SPAG16: variants seen among roughly 807,000 people sequenced by gnomAD.
SPAG16 encodes the protein sperm-associated antigen 16 protein.
Under a neutral mutation model 80.4 loss-of-function variants are expected in SPAG16, and 86 were observed. The observed-to-expected ratio is 1.07, with a 90% confidence interval of 0.90 to 1.28. The LOEUF (loss-of-function observed/expected upper bound fraction) is 1.28, where lower values mean the gene tolerates loss of function less well. SPAG16 is among the 50% of genes most tolerant of loss of function. SPAG16 has a pLI of 0.00. For synonymous variants in SPAG16, 294 were observed against 265.9 expected, an observed-to-expected ratio of 1.11 and a Z score of -1.03; for missense variants, 870 against 765.3, an observed-to-expected ratio of 1.14 and a Z score of -1.61.
At chr2:213,616,091 C>T (rs753237070) in intron 10 of SPAG16, among the ~76,000 whole-genome samples, 4 of 152,072 alleles carry the variant, frequency 2.6e-5, no homozygotes, top group South Asian at 4.2e-4. Flanking sequence ...TCCATTTTAC[C>T]GATTAGGAAA....
chr2:214,279,052 C>G (rs924470167), intron 15 of SPAG16, among the ~76,000 whole-genome samples: 6 of 151,816 alleles, frequency 4.0e-5, no homozygotes, highest in Non-Finnish European at 8.8e-5. Context: ...TACCCTTGTG[C>G]CTGAAACAAT....
intron 10 of SPAG16, among the ~76,000 whole-genome samples, chr2:213,833,536 TATA>T (rs1262447809): frequency 0.01 from 9 of 896 alleles, 1 homozygote; most frequent in African/African-American, 0.05. Flanking sequence ...ATATATTATA[TATA>T]ATATATATAA....
chr2:214,190,382 T>G (rs1434414416), intron 15 of SPAG16, among the ~76,000 whole-genome samples: 1 of 152,158 alleles, frequency 6.6e-6, no homozygotes, highest in South Asian at 2.1e-4. Context: ...TTCAATTTTC[T>G]TCTTCATATA....
chr2:214,063,263 C>G (rs2050371819), intron 13 of SPAG16, among the ~76,000 whole-genome samples: 2 of 152,092 alleles, frequency 1.3e-5, no homozygotes, highest in Non-Finnish European at 2.9e-5. Context: ...GAACATGCCA[C>G]CCATACTTTT....
chr2:213,834,055 C>T (rs989646388), intron 10 of SPAG16, among the ~76,000 whole-genome samples: 1 of 152,066 alleles, frequency 6.6e-6, no homozygotes, highest in African/African-American at 2.4e-5. Flanking sequence ...GTGAATAAGT[C>T]TCATGAGCTC....
At chr2:213,903,896 T>C (rs1056301925) in intron 11 of SPAG16, among the ~76,000 whole-genome samples, 2 of 152,140 alleles carry the variant, frequency 1.3e-5, no homozygotes, top group Non-Finnish European at 2.9e-5. Context: ...GTTCCACACA[T>C]CTCTAGGGCA....
intron 15 of SPAG16, among the ~76,000 whole-genome samples, chr2:214,279,618 A>G (rs1258818719): frequency 6.6e-6 from 1 of 152,160 alleles, no homozygotes; most frequent in East Asian, 1.9e-4. Context: ...AAGGAACCCC[A>G]AATATTTGCA....
chr2:214,202,708 T>G (rs1301793403), intron 15 of SPAG16, among the ~76,000 whole-genome samples: 2 of 152,140 alleles, frequency 1.3e-5, no homozygotes, highest in African/African-American at 4.8e-5. Context: ...AAAGTTGGGT[T>G]TGAGCTAATC....
chr2:213,515,122 TAAAC>T (rs558404111), intron 10 of SPAG16, among the ~76,000 whole-genome samples: 121 of 152,292 alleles, frequency 7.9e-4, no homozygotes, highest in African/African-American at 2.7e-3. Context: ...AATTCTGAAA[TAAAC>T]TAAATAAATA....
intron 10 of SPAG16, among the ~76,000 whole-genome samples, chr2:213,705,205 G>C (rs1034705632): frequency 1.3e-5 from 2 of 151,888 alleles, no homozygotes; most frequent in African/African-American, 4.8e-5. Flanking sequence ...CCGTGATCGT[G>C]CCACTGCGCT....
chr2:214,383,214 T>C (rs186129595), intron 15 of SPAG16, among the ~76,000 whole-genome samples: 1 of 152,266 alleles, frequency 6.6e-6, no homozygotes, highest in Admixed American at 6.5e-5. Flanking sequence ...GTTCTGATAC[T>C]ATGAAGGCAT....
chr2:213,324,248 G>A (rs1000630149), intron 5 of SPAG16, among the ~76,000 whole-genome samples: 3 of 94,132 alleles, frequency 3.2e-5, no homozygotes, highest in African/African-American at 6.6e-5. Flanking sequence ...ATTCCCTACT[G>A]TACCTCAAGT....
At chr2:213,455,380 T>C (rs950484234) in intron 9 of SPAG16, among the ~76,000 whole-genome samples, 16 of 152,296 alleles carry the variant, frequency 1.1e-4, no homozygotes, top group East Asian at 3.9e-4. Flanking sequence ...CTTGTACTGG[T>C]AGCTTATCTA....
intron 9 of SPAG16, among the ~76,000 whole-genome samples, chr2:213,475,722 C>T (rs1262518705): frequency 6.6e-6 from 1 of 152,098 alleles, no homozygotes; most frequent in Non-Finnish European, 1.5e-5. Flanking sequence ...ATCTAGTTTT[C>T]TTTTTAGGGC....
rs544216947 is a variant in SPAG16 at position 213,502,690 on chromosome 2, A to C, written c.1070+12600A>C. Among the ~76,000 whole-genome samples, 8 of 152,332 alleles carry C rather than the reference A, an allele frequency of 5.3e-5. No individual in the cohort carries two copies. In the South Asian group the frequency reaches 1.7e-3, roughly 32 times the overall value. On this transcript the variant is annotated intron_variant, in intron 10 of 15. Coordinates refer to ENST00000331683, the MANE Select transcript of SPAG16 (RefSeq NM_024532.5). ...ACCAATCACGTTAAAGGCTTTTCAC[A>C]TAATTTCTCATTTAATCCTATGAAC... is the stretch of plus-strand genomic sequence containing the variant.
At chr2:214,231,059 C>T (rs1017418299) in intron 15 of SPAG16, among the ~76,000 whole-genome samples, 1 of 151,884 alleles carries the variant, frequency 6.6e-6, no homozygotes, top group Non-Finnish European at 1.5e-5. Context: ...CTATTACAAT[C>T]TCAGATGTTG....
intron 10 of SPAG16, among the ~76,000 whole-genome samples, chr2:213,611,437 G>T (rs1257973943): frequency 1.3e-5 from 2 of 152,112 alleles, no homozygotes; most frequent in East Asian, 1.9e-4. Context: ...AAATTTAATG[G>T]TTACCAAATT....
At chr2:214,336,694 CT>C (rs1697312996) in intron 15 of SPAG16, among the ~76,000 whole-genome samples, 1 of 151,676 alleles carries the variant, frequency 6.6e-6, no homozygotes, top group African/African-American at 2.4e-5. Flanking sequence ...CGGATAAAGG[CT>C]GAGGTGAGAG....
intron 13 of SPAG16, among the ~76,000 whole-genome samples, chr2:214,092,045 T>A (rs945966799): frequency 6.6e-6 from 1 of 152,114 alleles, no homozygotes; most frequent in African/African-American, 2.4e-5. Flanking sequence ...TAGAAATAAC[T>A]CAAAATCAAT....
Sources: allele counts gnomAD v4.1 joint callset (sites outside exome capture counted in the v4.1 genomes callset), GRCh38; gene constraint gnomAD v4.1.1; transcripts MANE v1.5; gene names NCBI Gene and HGNC (gene_info 2026-07-23, HGNC 2026-07-21).